LAIR1: variants seen among roughly 807,000 people sequenced by gnomAD.
LAIR1 encodes leukocyte-associated immunoglobulin-like receptor 1.
LAIR1 carries 24 observed loss-of-function variants against 32.8 expected under a neutral mutation model. The ratio of observed to expected loss-of-function variants is 0.73; its 90% CI spans 0.53 to 1.03. LAIR1 has a LOEUF of 1.03. Ranked by LOEUF, LAIR1 falls within the 50% of genes least tolerant of loss-of-function variation. LAIR1 has a pLI of 0.00. For synonymous variants in LAIR1, 150 were observed against 140.5 expected (o/e 1.07, Z -0.48); for missense variants, 355 against 347.5 (o/e 1.02, Z -0.17).
chr19:54,368,967 G>C (rs532355821), upstream of LAIR1, among the ~76,000 whole-genome samples: 1 of 151,190 alleles, frequency 6.6e-6, no homozygotes, highest in Non-Finnish European at 1.5e-5. Context: ...GATTACAGGC[G>C]TGAGCCACTG....
chr19:54,374,565 G>A (rs1388243025), upstream of LAIR1, among the ~76,000 whole-genome samples: 2 of 152,162 alleles, frequency 1.3e-5, no homozygotes, highest in African/African-American at 2.4e-5. Context: ...AGTGACCTTG[G>A]CAAAGTCCTG....
At chr19:54,356,865 A>C (rs1370290296) in intron 5 of LAIR1, 63 bp downstream of exon 5, 1 of 1,588,702 alleles carries the variant, frequency 6.3e-7, no homozygotes, top group Non-Finnish European at 8.6e-7. Context: ...CCAAAGCCTG[A>C]CCTCTTTCTC....
chr19:54,364,752 G>C lies in LAIR1; in HGVS notation c.34+19C>G, dbSNP rs374067736. ...CTCCCGACCCCCTTTCCAGCCTCCCGGCTGCCTCCAGGACTCACCTAGGCC... is the reference window on the plus strand; with the variant it reads ...CTCCCGACCCCCTTTCCAGCCTCCCCGCTGCCTCCAGGACTCACCTAGGCC... On this transcript the variant is annotated intron_variant, in intron 1 of 9. Coordinates refer to ENST00000391742, the MANE Select transcript of LAIR1 (RefSeq NM_002287.6). This position sits in a 1 kb window ranked among gnomAD's most constrained non-coding sequence, Gnocchi z 4.8. 139 of 1,607,220 alleles carry C rather than the reference G, an allele frequency of 8.6e-5. No individual in the cohort carries two copies. Among genetic ancestry groups the C allele is most frequent in the Admixed American group, 6.2e-4 (37 of 59,662 alleles).
At chr19:54,374,969 C>G (rs2082475587), upstream of LAIR1, among the ~76,000 whole-genome samples, 1 of 152,140 alleles carries the variant, frequency 6.6e-6, no homozygotes, top group Admixed American at 6.6e-5. Context: ...GAAGACAGAC[C>G]CTCACCATTA....
chr19:54,362,913 C>T (rs1202487074), intron 2 of LAIR1, among the ~76,000 whole-genome samples: 1 of 151,850 alleles, frequency 6.6e-6, no homozygotes, highest in Non-Finnish European at 1.5e-5. Flanking sequence ...GATGAGTGAG[C>T]CCCAGGTCAC....
chr19:54,357,210 G>A, intron 4 of LAIR1: 1 of 548,812 alleles, frequency 1.8e-6, no homozygotes, highest in Non-Finnish European at 3.3e-6. Context: ...AATGGCATGA[G>A]AAGCTGGCTG....
chr19:54,374,408 C>T (rs1030777331), upstream of LAIR1, among the ~76,000 whole-genome samples: 3 of 152,138 alleles, frequency 2.0e-5, no homozygotes, highest in Non-Finnish European at 2.9e-5. Context: ...CCTCCCAGTT[C>T]CCTTAGTTCT....
rs1020512024 is a variant in LAIR1 at position 54,353,724 on chromosome 19, AAT to A, written c.*1542_*1543del. On this transcript the variant is annotated 3_prime_UTR_variant, in exon 10 of 10. Transcript: ENST00000391742. ...GCTGAGTTTTTGCTGAATTCTTAAA[AAT>A]CTTTCTTTTCTTTTCTTTTCTTTTT... is the stretch of plus-strand genomic sequence containing the variant. 2.5e-4 allele frequency: 38 copies of A among 151,922 alleles called. No individual in the cohort carries two copies. The highest frequency in any genetic ancestry group is 9.0e-4 in the African/African-American group (37 of 41,292). 9.4% of individuals were successfully genotyped at this position (151,922 alleles called of 1,614,324 possible). A position where few individuals can be genotyped will look rare whatever the true frequency, so the allele number is the denominator to read the frequency against.
rs1390984877 is a variant in LAIR1, at chr19:54,356,187, C to G, written c.664+43G>C. ...TTGCATCTGGATTGGCACCAAGTCC[C>G]CACTTCCCCATCCCAGGCCTGTCCC... On this transcript the variant is annotated intron_variant, in intron 8 of 9. Coordinates refer to ENST00000391742, the MANE Select transcript of LAIR1 (RefSeq NM_002287.6). 6 of 1,578,714 alleles carry G rather than the reference C, an allele frequency of 3.8e-6. No homozygotes were observed. In the South Asian group the frequency reaches 5.7e-5, roughly 15 times the overall value.
chr19:54,360,382 C>A (rs2081954617), intron 3 of LAIR1, among the ~76,000 whole-genome samples: 1 of 139,330 alleles, frequency 7.2e-6, no homozygotes, highest in Non-Finnish European at 1.6e-5. Flanking sequence ...TCCAGGACAT[C>A]TCGGGCTGAG....
chr19:54,365,082 G>T, upstream of LAIR1: 1 of 1,342,486 alleles, frequency 7.4e-7, no homozygotes, highest in Non-Finnish European at 9.5e-7. Flanking sequence ...AGATGTGTCA[G>T]CCTCTTTCTA....
upstream of LAIR1, chr19:54,368,645 T>A (rs1025807072): frequency 5.9e-5 from 9 of 152,304 alleles, no homozygotes; most frequent in African/African-American, 1.9e-4. Flanking sequence ...TTTGCCTCCA[T>A]GTGGCCACTG....
chr19:54,356,245 G>C lies in LAIR1; in HGVS notation c.649C>G (p.Leu217Val). Residue 217 changes from leucine to valine, a missense_variant, in exon 8 of 10, where the codon CTA becomes GTA. Transcript: ENST00000391742. ...CCCCCTTTACCTGCTGTCCTCTCTA[G>C]AACATCAACAGCCAGGTCAGGCCTA... is the stretch of plus-strand genomic sequence containing the variant. ...QQRPDLAVDV[L>V]ERTADKATVN... The C allele has an allele frequency of 6.2e-7, 1 of 1,612,398 alleles. No individual in the cohort carries two copies. Among genetic ancestry groups the C allele is most frequent in the South Asian group, 1.1e-5 (1 of 91,038 alleles).
intron 7 of LAIR1, 41 bp from the exon 8 acceptor site, chr19:54,356,308 C>T (rs369422606): frequency 4.3e-5 from 69 of 1,606,708 alleles, no homozygotes; most frequent in Non-Finnish European, 5.4e-5. Flanking sequence ...GGCAGCCTGG[C>T]GGCCGAGGAC....
At chr19:54,374,707 G>T (rs2082472744), upstream of LAIR1, among the ~76,000 whole-genome samples, 1 of 152,018 alleles carries the variant, frequency 6.6e-6, no homozygotes, top group African/African-American at 2.4e-5. Context: ...CAGCCCCAGA[G>T]GTTCCCAGAG....
rs2082173396 is a variant in LAIR1, at chr19:54,364,548, C to T, written c.35-218G>A. 6.3e-6 allele frequency: 5 copies of T among 798,760 alleles called. No homozygotes were observed. The highest frequency in any genetic ancestry group is 1.1e-5 in the Non-Finnish European group (5 of 458,546). The allele number at this position is 798,760 out of a possible 1,614,324, so 49.5% of individuals were successfully genotyped here. A position where few individuals can be genotyped will look rare whatever the true frequency, so the allele number is the denominator to read the frequency against. The stretch of plus-strand genomic sequence containing the variant: ...TCCTCCAAAAAGGCTCCTGCTCCCC[C>T]AGCCCTTCTTAAAGCTGACCTCATC... On this transcript the variant is annotated intron_variant, in intron 1 of 9. Coordinates refer to ENST00000391742, the MANE Select transcript of LAIR1 (RefSeq NM_002287.6). The surrounding 1 kb of genome is among the most constrained non-coding windows in gnomAD (Gnocchi z 4.8).
upstream of LAIR1, chr19:54,368,041 G>T (rs911482001): frequency 6.6e-6 from 1 of 151,990 alleles, no homozygotes; most frequent in South Asian, 2.1e-4. Context: ...CAAAGTGCTG[G>T]GATTACAGGC....
upstream of LAIR1, among the ~76,000 whole-genome samples, chr19:54,374,912 G>C (rs8102042): frequency 6.6e-6 from 1 of 151,644 alleles, no homozygotes; most frequent in Non-Finnish European, 1.5e-5. Context: ...CAGCCCTTCC[G>C]TACCCAGCAT....
In LAIR1 at chr19:54,355,825, A is replaced by G; in HGVS notation, c.717+129T>C. ...ACACAGCCCTGGGCGACCTCTCGAC[A>G]GCAACCTCAGGACAGGCCGTGAGCC... On this transcript the variant is annotated intron_variant, in intron 9 of 9. Coordinates refer to ENST00000391742, the MANE Select transcript of LAIR1 (RefSeq NM_002287.6). This position sits in a 1 kb window ranked among gnomAD's most constrained non-coding sequence, Gnocchi z 4.7. The G allele has an allele frequency of 2.9e-6, 2 of 697,032 alleles. No individual in the cohort carries two copies. Among genetic ancestry groups the G allele is most frequent in the Non-Finnish European group, 5.1e-6 (2 of 388,524 alleles). 43.2% of individuals were successfully genotyped at this position (697,032 alleles called of 1,614,324 possible).
Sources: allele counts gnomAD v4.1 joint callset (sites outside exome capture counted in the v4.1 genomes callset), GRCh38; gene constraint gnomAD v4.1.1; non-coding constraint Gnocchi (gnomAD v3.1); transcripts MANE v1.5; gene names NCBI Gene and HGNC (gene_info 2026-07-23, HGNC 2026-07-21).